The following CNTN3 variants were observed in gnomAD, a reference collection of about 807,000 sequenced individuals.
The protein encoded by CNTN3 is contactin-3.
Under a neutral mutation model 119.1 loss-of-function variants are expected in CNTN3, and 60 were observed. The observed-to-expected ratio is 0.50, with a 90% CI of 0.41 to 0.62. The LOEUF is 0.62. Among genes scored for constraint, CNTN3 ranks in the 20% least tolerant of loss-of-function variants. The probability of loss-of-function intolerance (pLI) is 0.00; values close to 1 mark genes in which losing one functional copy is unlikely to be tolerated. For synonymous variants in CNTN3, 450 were observed against 438.7 expected (o/e 1.03, Z -0.32); for missense variants, 1,101 against 1,242.4 (o/e 0.89, Z 1.71).
chr3:74,340,010 A>G (rs1394539776), intron 11 of CNTN3, among the ~76,000 whole-genome samples: 1 of 152,164 alleles, frequency 6.6e-6, no homozygotes, highest in East Asian at 1.9e-4. Context: ...TAGATAGAAT[A>G]TATTTTAAAA....
At chr3:74,320,617 A>T (rs958769916) in intron 13 of CNTN3, among the ~76,000 whole-genome samples, 2 of 152,164 alleles carry the variant, frequency 1.3e-5, no homozygotes, top group African/African-American at 4.8e-5. Flanking sequence ...ATGCCCTAAA[A>T]CTTAAAGTAT....
At chr3:74,306,701 T>C (rs552000504) in intron 13 of CNTN3, among the ~76,000 whole-genome samples, 1 of 152,328 alleles carries the variant, frequency 6.6e-6, no homozygotes, top group South Asian at 2.1e-4. Context: ...AGAAGTCTAT[T>C]CCAGTATCTT....
At chr3:74,563,666 C>A (rs532596607) in intron 1 of CNTN3, among the ~76,000 whole-genome samples, 2 of 152,086 alleles carry the variant, frequency 1.3e-5, no homozygotes, top group Non-Finnish European at 2.9e-5. Context: ...AGGAAATGCA[C>A]CTACCCCAGA....
intron 1 of CNTN3, among the ~76,000 whole-genome samples, chr3:74,540,662 G>C (rs369064226): frequency 7.2e-5 from 11 of 152,200 alleles, no homozygotes; most frequent in African/African-American, 2.4e-4. Flanking sequence ...GTGACATATT[G>C]GTAGAAGGTC....
chr3:74,420,225 G>T (rs1701594803), intron 5 of CNTN3, among the ~76,000 whole-genome samples: 1 of 152,126 alleles, frequency 6.6e-6, no homozygotes, highest in Admixed American at 6.5e-5. Flanking sequence ...ATTCTTCATT[G>T]TCTCCCACCA....
chr3:74,359,498 T>A (rs1372359010), intron 11 of CNTN3, among the ~76,000 whole-genome samples: 1 of 152,004 alleles, frequency 6.6e-6, no homozygotes, highest in African/African-American at 2.4e-5. Flanking sequence ...AAAGGAAGAG[T>A]TAACTTCCAG....
chr3:74,532,340 G>A (rs1703704840), intron 1 of CNTN3, among the ~76,000 whole-genome samples: 1 of 151,882 alleles, frequency 6.6e-6, no homozygotes, highest in South Asian at 2.1e-4. Context: ...CTTATCTGTG[G>A]GGCATACATT....
chr3:74,569,486 T>A (rs988078311), intron 1 of CNTN3, among the ~76,000 whole-genome samples: 1 of 152,168 alleles, frequency 6.6e-6, no homozygotes, highest in Non-Finnish European at 1.5e-5. Context: ...GCCCAGTGTC[T>A]CCCAGGGAAC....
At chr3:74,432,345 C>A (rs987124272) in intron 4 of CNTN3, among the ~76,000 whole-genome samples, 1 of 151,380 alleles carries the variant, frequency 6.6e-6, no homozygotes, top group Non-Finnish European at 1.5e-5. Flanking sequence ...TTGTCTTGGG[C>A]CACACATAAA....
At chr3:74,495,045 G>A (rs77952873) in intron 3 of CNTN3, among the ~76,000 whole-genome samples, 9 of 152,138 alleles carry the variant, frequency 5.9e-5, no homozygotes, top group Admixed American at 1.3e-4. Flanking sequence ...ATATTCTTTA[G>A]TGTGTTTATG....
At chr3:74,314,317 C>G (rs934408467) in intron 13 of CNTN3, among the ~76,000 whole-genome samples, 1 of 152,130 alleles carries the variant, frequency 6.6e-6, no homozygotes, top group African/African-American at 2.4e-5. Flanking sequence ...ATCTCAATTA[C>G]TACTTGAATA....
chr3:74,395,966 G>C (rs1705040514), intron 5 of CNTN3, among the ~76,000 whole-genome samples: 1 of 151,750 alleles, frequency 6.6e-6, no homozygotes, highest in Non-Finnish European at 1.5e-5. Context: ...GTAATTTTTG[G>C]GGAGCTCCAT....
rs77929877 is a variant in CNTN3 at position 74,415,340 on chromosome 3, T to C, written c.454+9505A>G. ...TGTAGACTGAAAGTGTAAGTTGTAA[T>C]GAATGAATGAATCCAGTTTCTCGAA... On this transcript the variant is annotated intron_variant, in intron 5 of 22. Transcript: ENST00000263665. Among the ~76,000 whole-genome samples the C allele has an allele frequency of 4.6e-3, 694 of 152,280 alleles. 2 individuals carry two copies. Among genetic ancestry groups the C allele is most frequent in the African/African-American group, 0.015 (617 of 41,570 alleles).
At chr3:74,331,384 T>A (rs1703261750) in intron 13 of CNTN3, among the ~76,000 whole-genome samples, 1 of 152,218 alleles carries the variant, frequency 6.6e-6, no homozygotes, top group African/African-American at 2.4e-5. Flanking sequence ...TGTAGTAGGC[T>A]GTATCATTAG....
intron 22 of CNTN3, among the ~76,000 whole-genome samples, chr3:74,264,931 T>C (rs1305995838): frequency 1.3e-5 from 2 of 152,152 alleles, no homozygotes. Context: ...AAAACAGTAA[T>C]GTGTTTAAGT....
chr3:74,389,490 T>C (rs180888006), intron 5 of CNTN3, among the ~76,000 whole-genome samples: 1 of 152,332 alleles, frequency 6.6e-6, no homozygotes, highest in African/African-American at 2.4e-5. Flanking sequence ...CTGAGAAAAG[T>C]ATTTTATAGT....
intron 4 of CNTN3, among the ~76,000 whole-genome samples, chr3:74,474,856 G>C (rs1013990966): frequency 2.0e-5 from 3 of 152,104 alleles, no homozygotes; most frequent in Non-Finnish European, 2.9e-5. Context: ...GTTTTGCTGA[G>C]AGATCTTAAA....
chr3:74,479,506 ATAT>A (rs1290908904), intron 4 of CNTN3, among the ~76,000 whole-genome samples: 2 of 152,158 alleles, frequency 1.3e-5, no homozygotes, highest in African/African-American at 4.8e-5. Context: ...GATTTGTAAC[ATAT>A]TATTCATACT....
chr3:74,378,448 T>G (rs1704536985), intron 5 of CNTN3, among the ~76,000 whole-genome samples: 1 of 152,222 alleles, frequency 6.6e-6, no homozygotes, highest in Non-Finnish European at 1.5e-5. Context: ...TACTAATCCA[T>G]TCTGATTTAG....
Sources: gnomAD v4.1 joint callset for allele counts (sites outside exome capture counted in the v4.1 genomes callset) on GRCh38, gnomAD v4.1.1 for gene constraint, MANE v1.5 for transcripts, NCBI Gene and HGNC (gene_info 2026-07-23, HGNC 2026-07-21) for gene names.